Variants in SLC10A7 observed in about 807,000 individuals in gnomAD.
SLC10A7 encodes the protein sodium/bile acid cotransporter 7.
In SLC10A7, 29 loss-of-function variants were observed where a neutral mutation model predicts 43.2. The ratio of observed to expected loss-of-function variants is 0.67; its 90% CI spans 0.50 to 0.92. SLC10A7 has a LOEUF of 0.92. Among genes scored for constraint, SLC10A7 ranks in the 40% least tolerant of loss-of-function variants. SLC10A7 has a pLI of 0.00. For synonymous variants in SLC10A7, 152 were observed against 144.8 expected, an observed-to-expected ratio of 1.05 and a Z score of -0.35; for missense variants, 295 against 403.2, an observed-to-expected ratio of 0.73 and a Z score of 2.30.
At chr4:146,468,715 G>A (rs1733280359) in intron 4 of SLC10A7, among the ~76,000 whole-genome samples, 1 of 152,088 alleles carries the variant, frequency 6.6e-6, no homozygotes, top group Non-Finnish European at 1.5e-5. Flanking sequence ...ACTCGCCTCA[G>A]CCTCTCAAAA....
intron 5 of SLC10A7, among the ~76,000 whole-genome samples, chr4:146,326,917 G>GACACACACAC (rs71640636): frequency 2.0e-5 from 3 of 147,420 alleles, no homozygotes; most frequent in South Asian, 2.2e-4. Flanking sequence ...GAGAGGGACA[G>GACACACACAC]ACACACACAC....
intron 5 of SLC10A7, among the ~76,000 whole-genome samples, chr4:146,391,435 G>A (rs182752979): frequency 1.4e-3 from 206 of 152,300 alleles, no homozygotes; most frequent in Non-Finnish European, 2.4e-3. Flanking sequence ...AAGAAAAAGC[G>A]TAAAGTAAAA....
chr4:146,290,832 C>T (rs918370332), intron 9 of SLC10A7, among the ~76,000 whole-genome samples: 1 of 152,134 alleles, frequency 6.6e-6, no homozygotes, highest in African/African-American at 2.4e-5. Context: ...TGCATTCCAG[C>T]CTGGGTGACA....
intron 4 of SLC10A7, among the ~76,000 whole-genome samples, chr4:146,480,778 A>G (rs983799533): frequency 6.6e-6 from 1 of 152,144 alleles, no homozygotes; most frequent in Non-Finnish European, 1.5e-5. Flanking sequence ...TCGATAATTG[A>G]AAGCAACCAG....
chr4:146,452,526 A>C (rs188735879), intron 4 of SLC10A7, among the ~76,000 whole-genome samples: 194 of 152,252 alleles, frequency 1.3e-3, no homozygotes, highest in Admixed American at 2.4e-3. Context: ...AAAAATAAGA[A>C]ATATTTATTG....
At chr4:146,449,807 A>G (rs1478782744) in intron 4 of SLC10A7, among the ~76,000 whole-genome samples, 1 of 152,168 alleles carries the variant, frequency 6.6e-6, no homozygotes, top group African/African-American at 2.4e-5. Context: ...ATGTTTTAAA[A>G]ACGTAGGTTT....
At chr4:146,287,989 T>C (rs1730144743) in intron 9 of SLC10A7, among the ~76,000 whole-genome samples, 1 of 152,210 alleles carries the variant, frequency 6.6e-6, no homozygotes, top group South Asian at 2.1e-4. Context: ...GCATTCACAA[T>C]GTGGCTAAAG....
At chr4:146,390,590 T>C (rs1238442505) in intron 5 of SLC10A7, among the ~76,000 whole-genome samples, 1 of 152,106 alleles carries the variant, frequency 6.6e-6, no homozygotes, top group Non-Finnish European at 1.5e-5. Flanking sequence ...GAACCATGTT[T>C]AAGCCACTGC....
At chr4:146,347,843 C>T (rs1204906114) in intron 5 of SLC10A7, among the ~76,000 whole-genome samples, 1 of 152,072 alleles carries the variant, frequency 6.6e-6, no homozygotes, top group Non-Finnish European at 1.5e-5. Flanking sequence ...TTGATTCTAT[C>T]TACTTTTAGA....
chr4:146,475,170 C>T (rs1469434992), intron 4 of SLC10A7, among the ~76,000 whole-genome samples: 1 of 152,062 alleles, frequency 6.6e-6, no homozygotes, highest in Non-Finnish European at 1.5e-5. Flanking sequence ...CTGAATAGCC[C>T]TTCAGCTGTA....
intron 4 of SLC10A7, among the ~76,000 whole-genome samples, chr4:146,480,747 G>A (rs3849038): frequency 0.12 from 18,585 of 151,900 alleles, 1,259 homozygotes; most frequent in Non-Finnish European, 0.15. Flanking sequence ...TTGGGGTTCC[G>A]TTCTAAAGAT....
At chr4:146,261,663 A>G (rs1264300586) in intron 10 of SLC10A7, among the ~76,000 whole-genome samples, 1 of 152,232 alleles carries the variant, frequency 6.6e-6, no homozygotes, top group Non-Finnish European at 1.5e-5. Context: ...GTCAAATTAA[A>G]TAGGAATTTC....
chr4:146,358,108 C>T (rs1446983638), intron 5 of SLC10A7, among the ~76,000 whole-genome samples: 2 of 151,664 alleles, frequency 1.3e-5, no homozygotes, highest in Admixed American at 6.6e-5. Flanking sequence ...TGAAGATATG[C>T]CACACTCAGA....
chr4:146,273,884 A>G (rs1729046426), intron 10 of SLC10A7, among the ~76,000 whole-genome samples: 1 of 152,036 alleles, frequency 6.6e-6, no homozygotes, highest in Non-Finnish European at 1.5e-5. Flanking sequence ...TCATGATCAT[A>G]TTTGGTCTAC....
intron 8 of SLC10A7, 97 bp from the exon 9 acceptor site, chr4:146,293,077 TA>T: frequency 4.1e-6 from 3 of 734,936 alleles, no homozygotes; most frequent in Non-Finnish European, 6.5e-6. Flanking sequence ...TTATAGGAAC[TA>T]AAAAAGAAAA....
At chr4:146,392,054 T>C (rs1034899052) in intron 5 of SLC10A7, among the ~76,000 whole-genome samples, 1 of 152,214 alleles carries the variant, frequency 6.6e-6, no homozygotes, top group Admixed American at 6.5e-5. Flanking sequence ...AATTTTGTCA[T>C]GGTGGAGATA....
intron 5 of SLC10A7, among the ~76,000 whole-genome samples, chr4:146,357,414 C>T (rs1202293588): frequency 6.6e-6 from 1 of 152,004 alleles, no homozygotes; most frequent in Non-Finnish European, 1.5e-5. Flanking sequence ...ACTTAAGGAA[C>T]AAAAAAACCC....
intron 2 of SLC10A7, 116 bp downstream of exon 2, chr4:146,516,922 A>T: frequency 1.4e-6 from 1 of 728,176 alleles, no homozygotes; most frequent in Non-Finnish European, 2.2e-6. Context: ...ATCTTCTGCT[A>T]TAGTGAATCC....
chr4:146,306,160 A>G (rs1731556686), intron 6 of SLC10A7, 151 bp from the exon 7 acceptor site: 1 of 523,946 alleles, frequency 1.9e-6, no homozygotes, highest in Admixed American at 4.0e-5. Context: ...CTAATTTTCT[A>G]AGTTCAACAC....
Sources: gnomAD v4.1 joint callset for allele counts (sites outside exome capture counted in the v4.1 genomes callset) on GRCh38, gnomAD v4.1.1 for gene constraint, MANE v1.5 for transcripts, NCBI Gene and HGNC (gene_info 2026-07-23, HGNC 2026-07-21) for gene names.